The following B3GLCT variants were observed in gnomAD, a reference collection of about 807,000 sequenced individuals.
The protein encoded by B3GLCT is beta-1,3-glucosyltransferase.
B3GLCT carries 65 observed loss-of-function variants against 63.4 expected under a neutral mutation model. That is an observed-to-expected ratio of 1.03 (90% CI 0.84 to 1.26). The LOEUF is 1.26. Ranked by LOEUF, B3GLCT falls within the 50% of genes most tolerant of loss-of-function variation. B3GLCT has a pLI of 0.00. For synonymous variants in B3GLCT, 233 were observed against 219.2 expected, an observed-to-expected ratio of 1.06 and a Z score of -0.55; for missense variants, 577 against 604.8, an observed-to-expected ratio of 0.95 and a Z score of 0.48.
At chr13:31,248,464 G>C (rs7987170) in intron 6 of B3GLCT, among the ~76,000 whole-genome samples, 108,758 of 152,080 alleles carry the variant, frequency 0.72, 39,021 homozygotes, top group Middle Eastern at 0.78. Context: ...TGGTTAGAAG[G>C]AAAACATCTC....
chr13:31,215,826 G>A (rs1227434843), intron 2 of B3GLCT, among the ~76,000 whole-genome samples: 1 of 152,316 alleles, frequency 6.6e-6, no homozygotes, highest in African/African-American at 2.4e-5. Context: ...AGGTGGCAAT[G>A]TGTGAGAGGG....
At chr13:31,215,671 C>G (rs1404312289) in intron 2 of B3GLCT, among the ~76,000 whole-genome samples, 1 of 152,172 alleles carries the variant, frequency 6.6e-6, no homozygotes. Context: ...ACCTCAGCCT[C>G]CCAAAGTGCT....
At chr13:31,227,430 A>T (rs942088996) in intron 3 of B3GLCT, among the ~76,000 whole-genome samples, 1 of 152,220 alleles carries the variant, frequency 6.6e-6, no homozygotes, top group Non-Finnish European at 1.5e-5. Context: ...AATGTTTCAG[A>T]TGTAGTAGAT....
At chr13:31,221,677 TG>T (rs1317206381) in intron 2 of B3GLCT, among the ~76,000 whole-genome samples, 2 of 152,370 alleles carry the variant, frequency 1.3e-5, no homozygotes, top group Non-Finnish European at 2.9e-5. Flanking sequence ...AGTGTTGTCA[TG>T]GTCCCTTTGG....
intron 12 of B3GLCT, among the ~76,000 whole-genome samples, chr13:31,316,407 T>TTATATATATATATATATATACATATATA (rs1875018971): frequency 4.9e-5 from 2 of 40,866 alleles, no homozygotes; most frequent in Non-Finnish European, 1.1e-4. Context: ...TTTGGAGGTT[T>TTATATATATATATATATATACATATATA]TATATATATA....
chr13:31,286,455 T>C (rs1184107891), intron 11 of B3GLCT, among the ~76,000 whole-genome samples: 1 of 152,190 alleles, frequency 6.6e-6, no homozygotes, highest in African/African-American at 2.4e-5. Context: ...AGATTATCTG[T>C]GTGACTGTGT....
intron 8 of B3GLCT, among the ~76,000 whole-genome samples, chr13:31,270,692 T>C (rs1233849413): frequency 2.6e-5 from 4 of 152,242 alleles, no homozygotes; most frequent in South Asian, 4.1e-4. Flanking sequence ...TCTTGAATTC[T>C]CTCCCTCTCC....
At chr13:31,229,409 C>G in intron 4 of B3GLCT, 115 bp downstream of exon 4, 1 of 741,596 alleles carries the variant, frequency 1.3e-6, no homozygotes, top group Non-Finnish European at 2.4e-6. Context: ...AATAACTCCT[C>G]TGACTCATTT....
intron 6 of B3GLCT, among the ~76,000 whole-genome samples, chr13:31,250,198 G>A (rs1361354300): frequency 6.6e-6 from 1 of 152,120 alleles, no homozygotes; most frequent in Non-Finnish European, 1.5e-5. Flanking sequence ...TTTTGAGACA[G>A]AGTCTCGTTC....
Position 31,316,413 on chromosome 13 carries a change from A to ATATATATATATATG in B3GLCT, c.1065-1140_1065-1139insGTATATATATATAT, listed in dbSNP as rs1875024308. ...CAAGGAGATTTTGGAGGTTTTATAT[A>ATATATATATATATG]TATATATATATATATATAAATTTTT... On this transcript the variant is annotated intron_variant, in intron 12 of 14. Coordinates refer to ENST00000343307, the MANE Select transcript of B3GLCT (RefSeq NM_194318.4). Among the ~76,000 whole-genome samples the ATATATATATATATG allele has an allele frequency of 4.1e-5, 4 of 96,926 alleles. 1 individual carries two copies. Among genetic ancestry groups the ATATATATATATATG allele is most frequent in the African/African-American group, 1.5e-4 (4 of 26,394 alleles). The allele number at this position is 96,926 out of a possible 152,430, so 63.6% of individuals were successfully genotyped here. A position where few individuals can be genotyped will look rare whatever the true frequency, so the allele number is the denominator to read the frequency against.
chr13:31,313,264 G>T (rs1188510786), intron 12 of B3GLCT, among the ~76,000 whole-genome samples: 1 of 152,224 alleles, frequency 6.6e-6, no homozygotes, highest in African/African-American at 2.4e-5. Context: ...TGTGAGAAAA[G>T]ATATCTTGGT....
chr13:31,238,396 C>A (rs1870760529), intron 4 of B3GLCT, among the ~76,000 whole-genome samples: 1 of 152,156 alleles, frequency 6.6e-6, no homozygotes. Context: ...ATTTCCATCT[C>A]CAGTTTTGAA....
At chr13:31,251,799 A>G (rs1871439747) in intron 6 of B3GLCT, among the ~76,000 whole-genome samples, 1 of 152,256 alleles carries the variant, frequency 6.6e-6, no homozygotes, top group South Asian at 2.1e-4. Context: ...ACTCTTCAGG[A>G]TATTATCCGG....
chr13:31,329,844 G>A lies in B3GLCT; in HGVS notation c.*176G>A. 2 of 687,684 alleles carry A rather than the reference G, an allele frequency of 2.9e-6. No individual in the cohort carries two copies. The highest frequency in any genetic ancestry group is 4.0e-4 in the Middle Eastern group (1 of 2,492). The allele number at this position is 687,684 out of a possible 1,614,324, so 42.6% of individuals were successfully genotyped here. A position where few individuals can be genotyped will look rare whatever the true frequency, so the allele number is the denominator to read the frequency against. On this transcript the variant is annotated 3_prime_UTR_variant, in exon 15 of 15. Transcript: ENST00000343307. ...GACAGAGGAAGAAAAGGGGTCACAG[G>A]AGAAACATTTTTTTTTCTGGGAAAA...
chr13:31,298,508 G>A lies in B3GLCT; in HGVS notation c.1064+11689G>A, dbSNP rs140999537. Reference sequence around the variant, plus strand: ...CTTTTTAGATATCTGTTATAATTGAGCTGAGAGACAATGTCATCTGTTTCT... The same window carrying A: ...CTTTTTAGATATCTGTTATAATTGAACTGAGAGACAATGTCATCTGTTTCT... On this transcript the variant is annotated intron_variant, in intron 12 of 14. Transcript: ENST00000343307. Among the ~76,000 whole-genome samples, 158 of 152,318 alleles carry A rather than the reference G, an allele frequency of 1.0e-3. 2 individuals carry two copies. In the East Asian group the frequency reaches 0.011, roughly 10 times the overall value.
chr13:31,208,052 G>A (rs1053740981), intron 1 of B3GLCT, among the ~76,000 whole-genome samples: 1 of 151,732 alleles, frequency 6.6e-6, no homozygotes, highest in African/African-American at 2.4e-5. Flanking sequence ...GGCAGCGCTC[G>A]GATTTGAACC....
At chr13:31,201,992 A>G (rs915760119) in intron 1 of B3GLCT, among the ~76,000 whole-genome samples, 30 of 152,214 alleles carry the variant, frequency 2.0e-4, no homozygotes, top group Non-Finnish European at 3.5e-4. Context: ...TCTGAAGTGA[A>G]TCATGAATAC....
chr13:31,265,446 A>G (rs1165462759), intron 7 of B3GLCT, among the ~76,000 whole-genome samples: 1 of 152,188 alleles, frequency 6.6e-6, no homozygotes, highest in African/African-American at 2.4e-5. Flanking sequence ...CCCACATTGT[A>G]GGTAGCGTAA....
intron 1 of B3GLCT, among the ~76,000 whole-genome samples, chr13:31,203,263 T>C (rs901482750): frequency 3.9e-5 from 6 of 152,196 alleles, no homozygotes; most frequent in African/African-American, 1.4e-4. Flanking sequence ...TCTTTATTTC[T>C]TAAGCAGTAT....
Sources: allele counts gnomAD v4.1 joint callset (sites outside exome capture counted in the v4.1 genomes callset), GRCh38; gene constraint gnomAD v4.1.1; transcripts MANE v1.5; gene names NCBI Gene and HGNC (gene_info 2026-07-23, HGNC 2026-07-21).